The following LGR6 variants were observed in gnomAD, a reference collection of about 807,000 sequenced individuals.
LGR6 encodes leucine rich repeat containing G protein-coupled receptor 6, also known as leucine-rich repeat-containing G protein-coupled receptor 6.
A neutral mutation model predicts 69.4 loss-of-function variants in LGR6; 45 were observed. That is an observed-to-expected ratio of 0.65 (90% CI 0.51 to 0.83). The LOEUF (loss-of-function observed/expected upper bound fraction) is 0.83. Among genes scored for constraint, LGR6 ranks in the 40% least tolerant of loss-of-function variants. LGR6 has a pLI of 0.00. For missense variants in LGR6, 1,108 were observed against 1,246.7 expected (o/e 0.89, Z 1.68); for synonymous variants, 538 against 555.0 (o/e 0.97, Z 0.43).
intron 4 of LGR6, among the ~76,000 whole-genome samples, chr1:202,263,595 G>C (rs956357526): frequency 3.9e-5 from 6 of 152,126 alleles, no homozygotes; most frequent in African/African-American, 7.2e-5. Context: ...TCAGCACGGG[G>C]GTGTGGGTGT....
At chr1:202,266,189 A>G (rs1664636772) in intron 4 of LGR6, among the ~76,000 whole-genome samples, 1 of 151,892 alleles carries the variant, frequency 6.6e-6, no homozygotes, top group African/African-American at 2.4e-5. Flanking sequence ...TCATCTTGAG[A>G]TGCCTGGAGG....
chr1:202,246,520 C>A (rs956123200), intron 4 of LGR6, among the ~76,000 whole-genome samples: 24 of 149,438 alleles, frequency 1.6e-4, no homozygotes, highest in African/African-American at 6.0e-4. Context: ...ATGCCTAACA[C>A]AAGAGATACT....
At chr1:202,218,951 T>A (rs1659967283) in intron 1 of LGR6, among the ~76,000 whole-genome samples, 1 of 152,210 alleles carries the variant, frequency 6.6e-6, no homozygotes, top group Admixed American at 6.5e-5. Context: ...CCAGACCTTG[T>A]CCTGGGCTTT....
chr1:202,278,950 G>A (rs1256429346), intron 5 of LGR6, among the ~76,000 whole-genome samples: 1 of 152,098 alleles, frequency 6.6e-6, no homozygotes, highest in Non-Finnish European at 1.5e-5. Flanking sequence ...CTCTTTATCT[G>A]GACTATATAC....
intron 7 of LGR6, 137 bp from the exon 8 acceptor site, chr1:202,300,712 C>A: frequency 1.8e-6 from 1 of 543,620 alleles, no homozygotes; most frequent in Non-Finnish European, 3.3e-6. Flanking sequence ...TGAATCTGAA[C>A]CTGGAATCTC....
At chr1:202,231,390 G>A (rs139232278) in intron 3 of LGR6, among the ~76,000 whole-genome samples, 1,758 of 152,300 alleles carry the variant, frequency 0.012, 20 homozygotes, top group Non-Finnish European at 0.019. Flanking sequence ...GCTCGGGGGA[G>A]AAGGCTGCCC....
At chr1:202,271,285 G>A (rs1234575343) in intron 4 of LGR6, among the ~76,000 whole-genome samples, 1 of 152,102 alleles carries the variant, frequency 6.6e-6, no homozygotes. Flanking sequence ...TTTCCTGGCT[G>A]CCAGATGGCA....
chr1:202,204,730 A>AACACAAACCTCCAAAC (rs1659034557), intron 1 of LGR6, among the ~76,000 whole-genome samples: 1 of 9,874 alleles, frequency 1.0e-4, no homozygotes, highest in Non-Finnish European at 2.7e-4. Context: ...ACCTCCTTCA[A>AACACAAACCTCCAAAC]ACACACACAC....
At chr1:202,225,223 G>A (rs77426434) in intron 1 of LGR6, 200 bp from the exon 2 acceptor site, 13 of 534,670 alleles carry the variant, frequency 2.4e-5, no homozygotes, top group Middle Eastern at 5.4e-4. Flanking sequence ...CAAATGACCC[G>A]GGAGGCCTGA....
In LGR6 at chr1:202,209,150, A is replaced by T. The variant is rs921068966; in HGVS notation, c.212+14949A>T. On this transcript the variant is annotated intron_variant, in intron 1 of 17. Transcript: ENST00000367278. Reference sequence around the variant, plus strand: ...CATAGTGTCCCCAAGTTTCCCTCCTATTTTGGCCAGAGGGGAGAGAGCCCA... The same window carrying T: ...CATAGTGTCCCCAAGTTTCCCTCCTTTTTTGGCCAGAGGGGAGAGAGCCCA... Among the ~76,000 whole-genome samples, 14 of 152,018 alleles carry T rather than the reference A, an allele frequency of 9.2e-5. No homozygotes were observed. In the South Asian group the frequency reaches 2.1e-3, roughly 23 times the overall value.
At chr1:202,303,739 C>T (rs1323522501) in intron 10 of LGR6, among the ~76,000 whole-genome samples, 1 of 152,168 alleles carries the variant, frequency 6.6e-6, no homozygotes, top group Non-Finnish European at 1.5e-5. Context: ...TCTCCTGTGG[C>T]ATAGAGGGCA....
intron 4 of LGR6, among the ~76,000 whole-genome samples, chr1:202,269,122 T>C (rs1225238486): frequency 6.6e-6 from 1 of 152,100 alleles, no homozygotes; most frequent in Non-Finnish European, 1.5e-5. Flanking sequence ...TCCAGGCTGG[T>C]CTCAAACTCC....
intron 10 of LGR6, 117 bp from the exon 11 acceptor site, chr1:202,304,442 C>A (rs1330007962): frequency 6.5e-6 from 4 of 611,968 alleles, no homozygotes; most frequent in East Asian, 3.0e-5. Context: ...CCCTCCATTT[C>A]TCTCTTTTGT....
intron 3 of LGR6, 152 bp from the exon 4 acceptor site, chr1:202,235,770 G>C: frequency 1.6e-6 from 1 of 644,796 alleles, no homozygotes. Flanking sequence ...TAACAAAGCA[G>C]GGGAGCTGGA....
chr1:202,218,024 T>C (rs1659900655), intron 1 of LGR6, among the ~76,000 whole-genome samples: 5 of 152,166 alleles, frequency 3.3e-5, no homozygotes, highest in South Asian at 4.1e-4. Flanking sequence ...TCAAAGATGA[T>C]AGCTAGTATT....
At chr1:202,221,944 AC>A (rs1483160887) in intron 1 of LGR6, among the ~76,000 whole-genome samples, 1 of 42,616 alleles carries the variant, frequency 2.3e-5, no homozygotes. Context: ...GTCAGTAGGA[AC>A]CACCAACATA....
In LGR6 at chr1:202,304,642, C is replaced by T; in HGVS notation, c.1070+12C>T. 1 of 1,603,510 alleles carries T rather than the reference C, an allele frequency of 6.2e-7. No homozygotes were observed. Among genetic ancestry groups the T allele is most frequent in the Non-Finnish European group, 8.5e-7 (1 of 1,171,678 alleles). On this transcript the variant is annotated intron_variant, in intron 11 of 17. Transcript: ENST00000367278. The stretch of plus-strand genomic sequence containing the variant: ...AGGCTCCGAGTCCTGTGAGTGCTCA[C>T]AAGAATTCTACAGTCTTGGCATTGT...
intron 4 of LGR6, among the ~76,000 whole-genome samples, chr1:202,273,103 G>GC (rs1665242803): frequency 6.6e-6 from 1 of 152,214 alleles, no homozygotes; most frequent in African/African-American, 2.4e-5. Context: ...GTGGGGCCTT[G>GC]GGGGGCTTAA....
Position 202,314,870 on chromosome 1 carries a change from A to G in LGR6, c.1636A>G (p.Ser546Gly), listed in dbSNP as rs371001494. Residue 546 changes from serine (S) to glycine (G), a missense_variant, in exon 17 of 18, where the codon AGC (serine) becomes GGC (glycine). By Grantham distance (56) the Ser-to-Gly change is moderately conservative. Transcript: ENST00000367278. ...AAAGCCACACCCCAGTGTCCAGTGT[A>G]GCCCTACTCCAGGTGAGGTGGTGTC... Reference protein sequence around the residue: ...DSKPHPSVQCSPTPGPFKPCE... With the variant: ...DSKPHPSVQCGPTPGPFKPCE... 6.2e-7 allele frequency: 1 copy of G among 1,613,566 alleles called. No individual in the cohort carries two copies. Among genetic ancestry groups the G allele is most frequent in the African/African-American group, 1.3e-5 (1 of 74,906 alleles).
Sources: allele counts gnomAD v4.1 joint callset (sites outside exome capture counted in the v4.1 genomes callset), GRCh38; gene constraint gnomAD v4.1.1; transcripts MANE v1.5; gene names NCBI Gene and HGNC (gene_info 2026-07-23, HGNC 2026-07-21).